NDST4: variants seen among roughly 807,000 people sequenced by gnomAD.
NDST4 encodes the protein N-heparan sulfate sulfotransferase 4.
A neutral mutation model predicts 100.8 loss-of-function variants in NDST4; 63 were observed. That is an observed-to-expected ratio of 0.62 (90% CI 0.51 to 0.77). The LOEUF is 0.77. Among genes scored for constraint, NDST4 ranks in the 30% least tolerant of loss-of-function variants. NDST4 has a pLI of 0.00. For synonymous variants in NDST4, 377 were observed against 361.8 expected (o/e 1.04, Z -0.48); for missense variants, 943 against 1,018.4 (o/e 0.93, Z 1.01).
Position 114,870,755 on chromosome 4 carries a change from T to C in NDST4, c.1719+13A>G, listed in dbSNP as rs541859961. 11 of 1,589,550 alleles carry C rather than the reference T, an allele frequency of 6.9e-6. No individual in the cohort carries two copies. Among genetic ancestry groups the C allele is most frequent in the Admixed American group, 1.8e-5 (1 of 54,852 alleles). Reference sequence around the variant, plus strand: ...TCTTTCCTTCCACCCCAAGAGAGAATGTTAAATGTTACCTGCCATAGAGGG... The same window carrying C: ...TCTTTCCTTCCACCCCAAGAGAGAACGTTAAATGTTACCTGCCATAGAGGG... On this transcript the variant is annotated intron_variant, in intron 7 of 13. Transcript: ENST00000264363.
At chr4:114,986,809 TATATATATATATATATA>T (rs1726916483) in intron 2 of NDST4, among the ~76,000 whole-genome samples, 2 of 116,096 alleles carry the variant, frequency 1.7e-5, no homozygotes, top group African/African-American at 6.9e-5. Context: ...TATATATATA[TATATATATATATATATA>T]TATATATTTT....
intron 6 of NDST4, among the ~76,000 whole-genome samples, chr4:114,933,451 T>TC (rs1165464130): frequency 7.8e-6 from 1 of 127,878 alleles, no homozygotes; most frequent in Non-Finnish European, 1.6e-5. Context: ...TTTTTTTTTT[T>TC]TTTGTGTGTA....
chr4:115,041,334 G>T (rs189830468), intron 2 of NDST4, among the ~76,000 whole-genome samples: 158 of 152,084 alleles, frequency 1.0e-3, no homozygotes, highest in Middle Eastern at 3.4e-3. Context: ...TTTAACAAAA[G>T]ACTTTTTTGG....
At chr4:114,943,312 T>C (rs1196907288) in intron 4 of NDST4, among the ~76,000 whole-genome samples, 1 of 151,796 alleles carries the variant, frequency 6.6e-6, no homozygotes, top group Non-Finnish European at 1.5e-5. Context: ...ATCTGCACTT[T>C]TACCATCAGA....
At chr4:114,838,934 C>A (rs1455808215) in intron 11 of NDST4, among the ~76,000 whole-genome samples, 1 of 151,924 alleles carries the variant, frequency 6.6e-6, no homozygotes, top group Non-Finnish European at 1.5e-5. Context: ...TAGTGCATGA[C>A]CTTCTTTCCT....
chr4:114,957,616 C>A (rs1321922797), intron 4 of NDST4, among the ~76,000 whole-genome samples: 1 of 152,184 alleles, frequency 6.6e-6, no homozygotes, highest in Non-Finnish European at 1.5e-5. Flanking sequence ...TTATTACTTT[C>A]AGCATTAACT....
intron 4 of NDST4, among the ~76,000 whole-genome samples, chr4:114,961,805 A>G (rs1726270028): frequency 6.6e-6 from 1 of 152,102 alleles, no homozygotes; most frequent in Admixed American, 6.5e-5. Context: ...ACATAAAAAA[A>G]GAAGAGCAAA....
In NDST4 at chr4:115,093,307, C is replaced by G. The variant is rs559014245; in HGVS notation, c.-246-16025G>C. ...TGGCTAACACGGTGAAACCCCATCTCTACTAAAAATACAAAAAGTTAGCTG... is the reference window on the plus strand; with the variant it reads ...TGGCTAACACGGTGAAACCCCATCTGTACTAAAAATACAAAAAGTTAGCTG... On this transcript the variant is annotated intron_variant, in intron 1 of 13. Transcript: ENST00000264363. Among the ~76,000 whole-genome samples, 529 of 152,058 alleles carry G rather than the reference C, an allele frequency of 3.5e-3. 1 individual carries two copies. Among genetic ancestry groups the G allele is most frequent in the African/African-American group, 0.012 (484 of 41,468 alleles).
intron 1 of NDST4, among the ~76,000 whole-genome samples, chr4:115,095,335 A>G (rs943941291): frequency 3.3e-5 from 5 of 152,132 alleles, no homozygotes; most frequent in African/African-American, 1.2e-4. Context: ...ATCATGGTCA[A>G]TCATCAGAAA....
At chr4:115,035,945 G>C (rs981844451) in intron 2 of NDST4, among the ~76,000 whole-genome samples, 1 of 151,918 alleles carries the variant, frequency 6.6e-6, no homozygotes, top group Non-Finnish European at 1.5e-5. Context: ...AAGATAATGA[G>C]AGCATAACTT....
chr4:114,990,272 C>G (rs902114932), intron 2 of NDST4, among the ~76,000 whole-genome samples: 11 of 152,150 alleles, frequency 7.2e-5, no homozygotes, highest in African/African-American at 2.2e-4. Flanking sequence ...CACATTATTA[C>G]TAGCACTTTT....
Position 114,935,340 on chromosome 4 carries a change from T to C in NDST4, c.1408-6A>G, listed in dbSNP as rs749299351. Reference sequence around the variant, plus strand: ...CAAGTCTGTCGAGGGAGGACCTGAGTAAAAAAGGGGAAAAACAGCACATGG... The same window carrying C: ...CAAGTCTGTCGAGGGAGGACCTGAGCAAAAAAGGGGAAAAACAGCACATGG... On this transcript the variant is annotated splice_polypyrimidine_tract_variant and splice_region_variant and intron_variant, in intron 5 of 13. Coordinates refer to ENST00000264363, the MANE Select transcript of NDST4 (RefSeq NM_022569.3). 6.4e-7 allele frequency: 1 copy of C among 1,561,196 alleles called. No individual in the cohort carries two copies. Among genetic ancestry groups the C allele is most frequent in the Admixed American group, 1.9e-5 (1 of 52,136 alleles).
At chr4:114,952,783 T>C (rs747715005) in intron 4 of NDST4, among the ~76,000 whole-genome samples, 2 of 152,020 alleles carry the variant, frequency 1.3e-5, no homozygotes, top group African/African-American at 2.4e-5. Context: ...GAAAGAGAAA[T>C]AGAAAATATG....
At chr4:114,879,727 C>T (rs1202218943) in intron 6 of NDST4, among the ~76,000 whole-genome samples, 4 of 152,070 alleles carry the variant, frequency 2.6e-5, no homozygotes, top group Non-Finnish European at 4.4e-5. Context: ...ACTTCTTTGC[C>T]AGTAGAAAAT....
At chr4:114,931,635 G>T (rs1335725272) in intron 6 of NDST4, among the ~76,000 whole-genome samples, 3 of 150,874 alleles carry the variant, frequency 2.0e-5, no homozygotes, top group East Asian at 3.9e-4. Flanking sequence ...AGGAGAGAAG[G>T]CTCAAATAAA....
intron 6 of NDST4, among the ~76,000 whole-genome samples, chr4:114,899,386 C>G (rs926370146): frequency 4.6e-5 from 7 of 152,090 alleles, no homozygotes; most frequent in Non-Finnish European, 1.0e-4. Flanking sequence ...ACCAGGTTAG[C>G]CAGGATGGTC....
intron 2 of NDST4, among the ~76,000 whole-genome samples, chr4:115,034,437 C>T (rs1332773946): frequency 6.6e-6 from 1 of 151,824 alleles, no homozygotes; most frequent in African/African-American, 2.4e-5. Context: ...AGAATACTTC[C>T]CTTAGCAATG....
At chr4:114,980,182 T>C (rs1429228890) in intron 2 of NDST4, among the ~76,000 whole-genome samples, 1 of 152,212 alleles carries the variant, frequency 6.6e-6, no homozygotes, top group Non-Finnish European at 1.5e-5. Flanking sequence ...ATTTAACTTA[T>C]TCTTTTAAAA....
intron 2 of NDST4, among the ~76,000 whole-genome samples, chr4:115,033,739 G>C (rs1728172808): frequency 6.6e-6 from 1 of 152,032 alleles, no homozygotes; most frequent in Admixed American, 6.6e-5. Context: ...TGGTTGTTCA[G>C]TCTTTTTGAA....
Sources: allele counts gnomAD v4.1 joint callset (sites outside exome capture counted in the v4.1 genomes callset), GRCh38; gene constraint gnomAD v4.1.1; transcripts MANE v1.5; gene names NCBI Gene and HGNC (gene_info 2026-07-23, HGNC 2026-07-21).